PCDH15: variants seen among roughly 807,000 people sequenced by gnomAD.
PCDH15 encodes protocadherin related 15, also known as protocadherin-15.
A neutral mutation model predicts 178.5 loss-of-function variants in PCDH15; 129 were observed. That is an observed-to-expected ratio of 0.72 (90% confidence interval 0.63 to 0.84). PCDH15 has a LOEUF of 0.84. Ranked by LOEUF, PCDH15 falls within the 40% of genes least tolerant of loss-of-function variation. PCDH15 has a pLI of 0.00. For missense variants in PCDH15, 2,230 were observed against 2,099.9 expected (o/e 1.06, Z -1.21); for synonymous variants, 800 against 732.0 (o/e 1.09, Z -1.50).
chr10:55,601,912 C>G (rs1374784075), intron 2 of PCDH15, among the ~76,000 whole-genome samples: 1 of 152,106 alleles, frequency 6.6e-6, no homozygotes, highest in Non-Finnish European at 1.5e-5. Flanking sequence ...GGAACAGCTC[C>G]AGTCTACAGC....
intron 1 of PCDH15, among the ~76,000 whole-genome samples, chr10:55,228,104 A>T (rs1230191628): frequency 6.6e-6 from 1 of 152,104 alleles, no homozygotes; most frequent in Non-Finnish European, 1.5e-5. Context: ...AATTTTTCAC[A>T]ATCTGTTGAA....
In PCDH15 at chr10:54,025,199, T is replaced by C. The variant is rs200232004; in HGVS notation, c.2221-2002A>G. On this transcript the variant is annotated intron_variant, in intron 18 of 37. Transcript: ENST00000644397. ...CCACTAGGAAACATATCTAAACATA[T>C]CTAAATTAGTTTTGTTTTTGCTCCC... Among the ~76,000 whole-genome samples the C allele has an allele frequency of 5.9e-5, 9 of 152,296 alleles. No individual in the cohort carries two copies. In the East Asian group the frequency reaches 1.2e-3, roughly 20 times the overall value.
At chr10:54,935,029 A>G (rs1026371097) in intron 2 of PCDH15, among the ~76,000 whole-genome samples, 9 of 148,492 alleles carry the variant, frequency 6.1e-5, no homozygotes, top group Non-Finnish European at 3.0e-5. Context: ...GAACTGAACA[A>G]TGAGAACACA....
In PCDH15 at chr10:55,491,849, T is replaced by A. The variant is rs999229558; in HGVS notation, c.-156+135776A>T. 4.6e-5 allele frequency among the ~76,000 whole-genome samples: 7 copies of A among 151,714 alleles called. No individual in the cohort carries two copies. The East Asian group carries it at 6.0e-4, about 13-fold the overall frequency. ...GGGAGACAGCTAAGAATAGGTCTCC[T>A]GCAATCCCATTCAACTTCAGTGTTT... is the stretch of plus-strand genomic sequence containing the variant. On this transcript the variant is annotated intron_variant, in intron 2 of 5. Coordinates refer to the PCDH15 transcript ENST00000613346.
chr10:54,057,664 C>T (rs573233059), intron 18 of PCDH15, among the ~76,000 whole-genome samples: 1 of 152,154 alleles, frequency 6.6e-6, no homozygotes, highest in Non-Finnish European at 1.5e-5. Flanking sequence ...GGAGACATTT[C>T]CCCCATTGTC....
At chr10:55,192,737 C>A (rs200048068) in intron 1 of PCDH15, among the ~76,000 whole-genome samples, 13,872 of 150,290 alleles carry the variant, frequency 0.092, 689 homozygotes, top group Middle Eastern at 0.12. Context: ...CTCTCTCTCT[C>A]TCTCTATATA....
chr10:54,518,492 C>T (rs1381081647), intron 3 of PCDH15, among the ~76,000 whole-genome samples: 5 of 151,830 alleles, frequency 3.3e-5, no homozygotes, highest in Non-Finnish European at 2.9e-5. Context: ...ACACATACAC[C>T]CCCCCAAGAC....
At chr10:55,192,739 C>A (rs78262277) in intron 1 of PCDH15, among the ~76,000 whole-genome samples, 29,816 of 149,268 alleles carry the variant, frequency 0.2, 3,195 homozygotes, top group African/African-American at 0.28. Context: ...CTCTCTCTCT[C>A]TCTATATATA....
intron 27 of PCDH15, 68 bp from the exon 28 acceptor site, chr10:53,857,331 C>T: frequency 1.8e-6 from 2 of 1,135,736 alleles, no homozygotes; most frequent in Non-Finnish European, 2.7e-6. Flanking sequence ...AGAAAACCCC[C>T]ACATTACCTC....
chr10:54,708,498 T>A (rs1209268252), intron 1 of PCDH15, among the ~76,000 whole-genome samples: 1 of 151,994 alleles, frequency 6.6e-6, no homozygotes, highest in Non-Finnish European at 1.5e-5. Flanking sequence ...ATGAAGAAAA[T>A]TTTTGATTAG....
chr10:53,876,051 GTTT>G (rs2080205074), intron 26 of PCDH15, among the ~76,000 whole-genome samples: 1 of 152,078 alleles, frequency 6.6e-6, no homozygotes, highest in African/African-American at 2.4e-5. Flanking sequence ...GAGTGAAAGT[GTTT>G]TAGACTGTCT....
At chr10:54,270,937 G>A (rs2058010336) in intron 8 of PCDH15, among the ~76,000 whole-genome samples, 1 of 151,976 alleles carries the variant, frequency 6.6e-6, no homozygotes, top group African/African-American at 2.4e-5. Context: ...GCTGCACTGA[G>A]AAAAATGAAG....
intron 8 of PCDH15, among the ~76,000 whole-genome samples, chr10:54,295,767 C>A (rs117038163): frequency 0.018 from 2,809 of 152,252 alleles, 36 homozygotes; most frequent in Non-Finnish European, 0.029. Context: ...GTAGTGAGTA[C>A]CATCGGACCC....
chr10:54,879,137 T>A (rs555821111), intron 3 of PCDH15, among the ~76,000 whole-genome samples: 1 of 152,170 alleles, frequency 6.6e-6, no homozygotes, highest in African/African-American at 2.4e-5. Flanking sequence ...TTTAAACAAC[T>A]TTACGTATGT....
chr10:54,465,532 G>A (rs2077460511), intron 3 of PCDH15, among the ~76,000 whole-genome samples: 1 of 151,966 alleles, frequency 6.6e-6, no homozygotes, highest in Admixed American at 6.6e-5. Flanking sequence ...GTAACATAAT[G>A]ACCTCCATTT....
intron 2 of PCDH15, among the ~76,000 whole-genome samples, chr10:55,027,639 C>T (rs1840506513): frequency 6.6e-6 from 1 of 151,644 alleles, no homozygotes; most frequent in Non-Finnish European, 1.5e-5. Flanking sequence ...CTTCTCTTCC[C>T]CTGTCATAGG....
chr10:54,939,015 C>T lies in PCDH15; in HGVS notation c.-79-41515G>A, dbSNP rs911264286. Among the ~76,000 whole-genome samples the T allele has an allele frequency of 3.3e-5, 5 of 152,112 alleles. No homozygotes were observed. The South Asian group carries it at 8.3e-4, about 25-fold the overall frequency. ...TATCTTGATTTTATTCTTTTGAGAA[C>T]TGTGACAGTTTTCTGACCTACAGAA... On this transcript the variant is annotated intron_variant, in intron 2 of 5. Coordinates refer to the PCDH15 transcript ENST00000458638.
At chr10:55,272,749 C>T (rs985356706) in intron 1 of PCDH15, among the ~76,000 whole-genome samples, 1 of 151,976 alleles carries the variant, frequency 6.6e-6, no homozygotes, top group East Asian at 1.9e-4. Context: ...TGAGGTTGGA[C>T]AGTTAAGGAC....
At chr10:54,167,830 AACCCCTTATTTCCGTG>A (rs1564584132) in intron 13 of PCDH15, among the ~76,000 whole-genome samples, 1 of 31,880 alleles carries the variant, frequency 3.1e-5, no homozygotes, top group Admixed American at 2.9e-4. Flanking sequence ...TCCATGCCCC[AACCCCTTATTTCCGTG>A]CCCCGACCCC....
Sources: gnomAD v4.1 joint callset for allele counts (sites outside exome capture counted in the v4.1 genomes callset) on GRCh38, gnomAD v4.1.1 for gene constraint, MANE v1.5 for transcripts, NCBI Gene and HGNC (gene_info 2026-07-23, HGNC 2026-07-21) for gene names.